Variants in PGR observed in about 807,000 individuals in gnomAD.
PGR encodes progesterone receptor, also known as nuclear receptor subfamily 3 group C member 3.
Under a neutral mutation model 76.1 loss-of-function variants are expected in PGR, and 25 were observed. The observed-to-expected ratio is 0.33, with a 90% confidence interval of 0.24 to 0.46. PGR has a LOEUF of 0.46. Among genes scored for constraint, PGR ranks in the 20% least tolerant of loss-of-function variants. PGR has a pLI of 1.00. For synonymous variants in PGR, 579 were observed against 535.0 expected, an observed-to-expected ratio of 1.08 and a Z score of -1.14; for missense variants, 1,172 against 1,225.3, an observed-to-expected ratio of 0.96 and a Z score of 0.65.
In PGR at chr11:101,128,829, G is replaced by A. The variant is rs778465984; in HGVS notation, c.242C>T (p.Ser81Leu). The A allele has an allele frequency of 8.1e-6, 13 of 1,614,182 alleles. No individual in the cohort carries two copies. Among genetic ancestry groups the A allele is most frequent in the Non-Finnish European group, 1.1e-5 (13 of 1,180,048 alleles). Residue 81 changes from serine (S) to leucine (L), a missense_variant, in exon 1 of 8, where the codon TCG (serine) becomes TTG (leucine). By Grantham distance (145) the Ser-to-Leu change is moderately radical. Coordinates refer to ENST00000325455, the MANE Select transcript of PGR (RefSeq NM_000926.4). ...DEKTQDQQSL[S>L]DVEGAYSRAE... ...TCTGGAATATGCGCCCTCCACGTCC[G>A]ACAGCGACTGCTGGTCCTGCGTCTT... is the stretch of plus-strand genomic sequence containing the variant.
intron 3 of PGR, among the ~76,000 whole-genome samples, chr11:101,085,525 T>TA (rs1212568882): frequency 0.27 from 11,380 of 42,314 alleles, 2,456 homozygotes; most frequent in Non-Finnish European, 0.33. Context: ...CTAGAGGAAC[T>TA]AAAAAAAAAA....
At chr11:101,118,678 C>A (rs564421524) in intron 2 of PGR, among the ~76,000 whole-genome samples, 30 of 152,074 alleles carry the variant, frequency 2.0e-4, no homozygotes, top group South Asian at 2.1e-4. Flanking sequence ...AAAGGAAAAC[C>A]CAATAGGCTA....
In PGR at chr11:101,033,666, G is replaced by T; in HGVS notation, c.*5450C>A. 5.0e-6 allele frequency: 1 copy of T among 201,726 alleles called. No individual in the cohort carries two copies. The highest frequency in any genetic ancestry group is 1.0e-5 in the Non-Finnish European group (1 of 98,096). The allele number at this position is 201,726 out of a possible 1,614,324, so 12.5% of individuals were successfully genotyped here. ...TAATAGAAGTACAGTTTGGTGGATAGATACTTCAAGGTATAGACTTTTCTG... is the reference window on the plus strand; with the variant it reads ...TAATAGAAGTACAGTTTGGTGGATATATACTTCAAGGTATAGACTTTTCTG... On this transcript the variant is annotated 3_prime_UTR_variant, in exon 8 of 8. Coordinates refer to ENST00000325455, the MANE Select transcript of PGR (RefSeq NM_000926.4).
At chr11:101,056,914 CTGAA>C (rs1591376813) in intron 4 of PGR, among the ~76,000 whole-genome samples, 1 of 152,196 alleles carries the variant, frequency 6.6e-6, no homozygotes, top group East Asian at 1.9e-4. Flanking sequence ...ATGATTTATG[CTGAA>C]TAAGAAGTTA....
chr11:101,103,349 G>A (rs1253054776), intron 2 of PGR, among the ~76,000 whole-genome samples: 2 of 152,004 alleles, frequency 1.3e-5, no homozygotes, highest in Admixed American at 6.6e-5. Context: ...CAGACCACTG[G>A]GCACTGAACA....
At chr11:101,085,525 T>TAACA (rs1861464686) in intron 3 of PGR, among the ~76,000 whole-genome samples, 1 of 42,276 alleles carries the variant, frequency 2.4e-5, no homozygotes, top group African/African-American at 1.1e-4. Flanking sequence ...CTAGAGGAAC[T>TAACA]AAAAAAAAAA....
chr11:101,073,566 A>C (rs1338733417), intron 3 of PGR, among the ~76,000 whole-genome samples: 1 of 152,162 alleles, frequency 6.6e-6, no homozygotes, highest in Non-Finnish European at 1.5e-5. Context: ...GAAAAGATTA[A>C]CAAAGTAGAT....
At chr11:101,106,183 T>C (rs1862156029) in intron 2 of PGR, among the ~76,000 whole-genome samples, 1 of 152,142 alleles carries the variant, frequency 6.6e-6, no homozygotes, top group African/African-American at 2.4e-5. Flanking sequence ...ACTTCATGTC[T>C]AAAACACCAA....
intron 2 of PGR, among the ~76,000 whole-genome samples, chr11:101,119,258 A>G (rs987655053): frequency 2.0e-5 from 3 of 152,172 alleles, no homozygotes; most frequent in African/African-American, 7.2e-5. Flanking sequence ...GTACCAGTCC[A>G]CATCCTAGGG....
At chr11:101,074,822 C>T (rs1275197347) in intron 3 of PGR, among the ~76,000 whole-genome samples, 1 of 151,500 alleles carries the variant, frequency 6.6e-6, no homozygotes, top group Non-Finnish European at 1.5e-5. Flanking sequence ...TCAAGGAAAT[C>T]AGAGAGGACA....
At position 101,030,599 on chromosome 11, in the gene PGR, C is replaced by A. The variant is rs1859319669; in HGVS notation, c.*8517G>T. The stretch of plus-strand genomic sequence containing the variant: ...GACCTTTCTCCTGGTCAGTTGGAGG[C>A]AGGCATATTGCTCTGAGGAGAATTG... On this transcript the variant is annotated 3_prime_UTR_variant, in exon 8 of 8. Coordinates refer to ENST00000325455, the MANE Select transcript of PGR (RefSeq NM_000926.4). 9.1e-6 allele frequency: 2 copies of A among 220,928 alleles called. No individual in the cohort carries two copies. Among genetic ancestry groups the A allele is most frequent in the Non-Finnish European group, 1.8e-5 (2 of 110,438 alleles). 13.7% of individuals were successfully genotyped at this position (220,928 alleles called of 1,614,324 possible). A position where few individuals can be genotyped will look rare whatever the true frequency, so the allele number is the denominator to read the frequency against.
intron 3 of PGR, among the ~76,000 whole-genome samples, chr11:101,067,649 G>A (rs1198429183): frequency 2.0e-5 from 3 of 151,984 alleles, no homozygotes; most frequent in Non-Finnish European, 4.4e-5. Context: ...CAGAATACAT[G>A]TAAAATAATG....
chr11:101,104,395 T>C (rs2135476080), intron 2 of PGR, among the ~76,000 whole-genome samples: 1 of 152,316 alleles, frequency 6.6e-6, no homozygotes, highest in Admixed American at 6.5e-5. Flanking sequence ...AAATCTTAGT[T>C]TTTCCCACAT....
chr11:101,062,346 TGTA>T (rs2135410819), intron 4 of PGR, 98 bp downstream of exon 4: 1 of 872,012 alleles, frequency 1.1e-6, no homozygotes, highest in African/African-American at 1.7e-5. Flanking sequence ...TGTTTTATAT[TGTA>T]GTTAATTTAC....
At chr11:101,109,357 A>C (rs746938744) in intron 2 of PGR, among the ~76,000 whole-genome samples, 8 of 152,230 alleles carry the variant, frequency 5.3e-5, no homozygotes, top group Non-Finnish European at 1.2e-4. Context: ...TGTAAATGCA[A>C]AGGAAATGTT....
chr11:101,098,608 A>G (rs1032201294), intron 2 of PGR, among the ~76,000 whole-genome samples: 3 of 152,212 alleles, frequency 2.0e-5, no homozygotes, highest in Non-Finnish European at 4.4e-5. Context: ...ATAAGCCAGA[A>G]AAGAAAAAAG....
chr11:101,032,704 T>C lies in PGR; in HGVS notation c.*6412A>G, dbSNP rs1859389037. ...CCTCTGCTAACCCCTAAATTCAAGG[T>C]AGGTGCTCCTCTTAGGTGCTCCAAT... is the stretch of plus-strand genomic sequence containing the variant. On this transcript the variant is annotated 3_prime_UTR_variant, in exon 8 of 8. Transcript: ENST00000325455. 1 of 209,086 alleles carries C rather than the reference T, an allele frequency of 4.8e-6. No individual in the cohort carries two copies. The highest frequency in any genetic ancestry group is 9.7e-6 in the Non-Finnish European group (1 of 102,764). The allele number at this position is 209,086 out of a possible 1,614,324, so 13.0% of individuals were successfully genotyped here.
chr11:101,055,838 T>A (rs974020159), intron 4 of PGR, among the ~76,000 whole-genome samples: 1 of 152,206 alleles, frequency 6.6e-6, no homozygotes, highest in Non-Finnish European at 1.5e-5. Flanking sequence ...GGCTTACTTT[T>A]ATTTTATGAC....
At chr11:101,083,692 G>T (rs937901906) in intron 3 of PGR, among the ~76,000 whole-genome samples, 3 of 152,118 alleles carry the variant, frequency 2.0e-5, no homozygotes, top group Non-Finnish European at 4.4e-5. Context: ...AACTTGCTTG[G>T]GGCCTGTATC....
Sources: gnomAD v4.1 joint callset for allele counts (sites outside exome capture counted in the v4.1 genomes callset) on GRCh38, gnomAD v4.1.1 for gene constraint, MANE v1.5 for transcripts, NCBI Gene and HGNC (gene_info 2026-07-23, HGNC 2026-07-21) for gene names.